Variants in NAV2 observed in about 807,000 individuals in gnomAD.
NAV2 encodes helicase, APC down-regulated 1.
In NAV2, 54 loss-of-function variants were observed where a neutral mutation model predicts 223.2. The observed-to-expected ratio is 0.24, with a 90% CI of 0.19 to 0.30. The LOEUF (loss-of-function observed/expected upper bound fraction) is 0.30. Ranked by LOEUF, NAV2 falls within the 10% of genes least tolerant of loss-of-function variation. The pLI, the probability that NAV2 is intolerant of heterozygous loss-of-function variation, is 1.00. For synonymous variants in NAV2, 1,279 were observed against 1,239.3 expected (o/e 1.03, Z -0.67); for missense variants, 2,806 against 3,147.5 (o/e 0.89, Z 2.60).
intron 1 of NAV2, among the ~76,000 whole-genome samples, chr11:19,407,933 C>G (rs1849971641): frequency 6.6e-6 from 1 of 152,138 alleles, no homozygotes; most frequent in African/African-American, 2.4e-5. Flanking sequence ...AGCTTAACAG[C>G]AGACATTTCA....
intron 1 of NAV2, among the ~76,000 whole-genome samples, chr11:19,703,180 A>G (rs1488276109): frequency 6.6e-6 from 1 of 152,156 alleles, no homozygotes; most frequent in Non-Finnish European, 1.5e-5. Context: ...AATTTTTGTT[A>G]AATTATCCAC....
At chr11:19,779,278 AGT>A in intron 1 of NAV2, among the ~76,000 whole-genome samples, 1 of 152,198 alleles carries the variant, frequency 6.6e-6, no homozygotes, top group Non-Finnish European at 1.5e-5. Flanking sequence ...GCCCTGAGGG[AGT>A]AGCAGTTTCT....
chr11:19,583,912 C>T lies in NAV2; in HGVS notation c.75+232885C>T, dbSNP rs181611460. Among the ~76,000 whole-genome samples the T allele has an allele frequency of 3.9e-4, 59 of 152,286 alleles. 1 individual carries two copies. Among genetic ancestry groups the T allele is most frequent in the Middle Eastern group, 6.8e-3 (2 of 294 alleles). ...CTCACAAAATGAGTTAGGGAGGATT[C>T]CCTCTTTTTCTGTTGATTGGAATAG... On this transcript the variant is annotated intron_variant, in intron 1 of 37. Transcript: ENST00000360655.
At chr11:19,472,553 G>A (rs1281797895) in intron 1 of NAV2, among the ~76,000 whole-genome samples, 3 of 152,246 alleles carry the variant, frequency 2.0e-5, no homozygotes, top group African/African-American at 7.2e-5. Context: ...ACGCTGTCAG[G>A]CTGGGCAAAT....
chr11:20,062,418 A>G (rs1022594959), intron 20 of NAV2, 59 bp downstream of exon 20: 1 of 1,293,854 alleles, frequency 7.7e-7, no homozygotes, highest in Non-Finnish European at 1.1e-6. Flanking sequence ...CCTTTATCAA[A>G]TGTGTCAAGA....
intron 1 of NAV2, among the ~76,000 whole-genome samples, chr11:19,542,752 A>G (rs1356633686): frequency 6.6e-6 from 1 of 152,250 alleles, no homozygotes; most frequent in Admixed American, 6.5e-5. Flanking sequence ...AAAATATTCT[A>G]CAGGTGAGAA....
chr11:19,850,195 G>A (rs1232315827), intron 3 of NAV2, among the ~76,000 whole-genome samples: 1 of 152,218 alleles, frequency 6.6e-6, no homozygotes, highest in East Asian at 1.9e-4. Flanking sequence ...TTCCTGGGCA[G>A]TGTGACCTTT....
At chr11:20,094,223 CTTTTTTTT>C (rs61099684) in intron 29 of NAV2, among the ~76,000 whole-genome samples, 1 of 88,518 alleles carries the variant, frequency 1.1e-5, no homozygotes, top group Non-Finnish European at 2.0e-5. Flanking sequence ...TTTTCTTTAT[CTTTTTTTT>C]TTTTTTTTTT....
intron 1 of NAV2, among the ~76,000 whole-genome samples, chr11:19,768,079 C>G (rs1048962450): frequency 6.6e-6 from 1 of 152,234 alleles, no homozygotes; most frequent in Non-Finnish European, 1.5e-5. Context: ...TGCCAGGGCA[C>G]AGGGTCTCCT....
At chr11:19,709,661 C>G (rs2049802605), upstream of NAV2, among the ~76,000 whole-genome samples, 1 of 151,518 alleles carries the variant, frequency 6.6e-6, no homozygotes, top group African/African-American at 2.4e-5. Context: ...ATGACGAAAC[C>G]CCGTCTCTAC....
intron 1 of NAV2, among the ~76,000 whole-genome samples, chr11:19,614,538 C>A (rs2046738236): frequency 6.6e-6 from 1 of 152,178 alleles, no homozygotes; most frequent in African/African-American, 2.4e-5. Context: ...CAATATCGCA[C>A]CAGTGTGTGG....
intron 36 of NAV2, 49 bp from the exon 37 acceptor site, chr11:20,114,543 A>G (rs1217865955): frequency 6.3e-7 from 1 of 1,578,946 alleles, no homozygotes; most frequent in Admixed American, 1.7e-5. Flanking sequence ...TGGGGCTACG[A>G]GAGAGATCTG....
intron 6 of NAV2, among the ~76,000 whole-genome samples, chr11:19,909,794 T>C (rs1156384521): frequency 6.6e-6 from 1 of 152,216 alleles, no homozygotes; most frequent in Non-Finnish European, 1.5e-5. Flanking sequence ...GTTGCCATCA[T>C]GTTCCTCCTC....
At chr11:19,821,001 G>T (rs375512573) in intron 1 of NAV2, among the ~76,000 whole-genome samples, 1 of 152,196 alleles carries the variant, frequency 6.6e-6, no homozygotes, top group African/African-American at 2.4e-5. Flanking sequence ...AGTGGCTCAC[G>T]CCTGTAATCC....
chr11:19,879,768 G>C, intron 4 of NAV2, 101 bp from the exon 5 acceptor site: 1 of 1,369,924 alleles, frequency 7.3e-7, no homozygotes, highest in Non-Finnish European at 1.0e-6. Context: ...CAGGAAGCCT[G>C]TCATATCCTA....
At chr11:19,549,866 G>C (rs2044632437) in intron 1 of NAV2, among the ~76,000 whole-genome samples, 1 of 152,238 alleles carries the variant, frequency 6.6e-6, no homozygotes, top group Non-Finnish European at 1.5e-5. Context: ...GTAAGAATCT[G>C]CTTTTTCCTG....
chr11:19,877,597 T>C (rs1015524857), intron 4 of NAV2, among the ~76,000 whole-genome samples: 100 of 151,198 alleles, frequency 6.6e-4, no homozygotes, highest in Non-Finnish European at 4.7e-4. Context: ...CTCAGCCTCC[T>C]GAGTAGCTGG....
intron 1 of NAV2, among the ~76,000 whole-genome samples, chr11:19,541,154 T>A (rs777913156): frequency 1.1e-4 from 17 of 152,196 alleles, no homozygotes; most frequent in Admixed American, 2.0e-4. Flanking sequence ...GTTATACATG[T>A]AATTGGTTCT....
At chr11:19,831,166 G>C (rs531222864) in intron 1 of NAV2, among the ~76,000 whole-genome samples, 23 of 138,884 alleles carry the variant, frequency 1.7e-4, no homozygotes, top group Non-Finnish European at 3.2e-4. Context: ...TACCTCCTTA[G>C]AAGGTCTCTG....
Sources: allele counts gnomAD v4.1 joint callset (sites outside exome capture counted in the v4.1 genomes callset), GRCh38; gene constraint gnomAD v4.1.1; transcripts MANE v1.5; gene names NCBI Gene and HGNC (gene_info 2026-07-23, HGNC 2026-07-21).